The following RASGRF2 variants were observed in gnomAD, a reference collection of about 807,000 sequenced individuals.
The protein encoded by RASGRF2 is Ras protein specific guanine nucleotide releasing factor 2.
Under a neutral mutation model 151.0 loss-of-function variants are expected in RASGRF2, and 76 were observed. That is an observed-to-expected ratio of 0.50 (90% CI 0.42 to 0.61). The LOEUF (loss-of-function observed/expected upper bound fraction) is 0.61. Ranked by LOEUF, RASGRF2 falls within the 20% of genes least tolerant of loss-of-function variation. The probability of loss-of-function intolerance (pLI) is 0.00; values close to 1 mark genes in which losing one functional copy is unlikely to be tolerated. For synonymous variants in RASGRF2, 504 were observed against 566.5 expected, an observed-to-expected ratio of 0.89 and a Z score of 1.57; for missense variants, 1,148 against 1,564.6, an observed-to-expected ratio of 0.73 and a Z score of 4.49.
intron 12 of RASGRF2, among the ~76,000 whole-genome samples, chr5:81,095,601 A>T (rs1313155506): frequency 6.6e-6 from 1 of 152,218 alleles, no homozygotes; most frequent in Non-Finnish European, 1.5e-5. Context: ...GGACATTCTT[A>T]TTCAAGCTCC....
chr5:80,973,380 CG>C (rs1271654582), intron 1 of RASGRF2, among the ~76,000 whole-genome samples: 1 of 152,190 alleles, frequency 6.6e-6, no homozygotes, highest in African/African-American at 2.4e-5. Context: ...CTTCCCTCCT[CG>C]GGTGCTGGGT....
At chr5:80,974,088 A>G (rs1454607238) in intron 1 of RASGRF2, among the ~76,000 whole-genome samples, 1 of 152,220 alleles carries the variant, frequency 6.6e-6, no homozygotes, top group African/African-American at 2.4e-5. Flanking sequence ...CAAGTCTGTC[A>G]TTCATTGGTA....
chr5:81,210,165 G>A lies in RASGRF2; in HGVS notation c.3156+1727G>A, dbSNP rs75939814. 946 of 152,796 alleles carry A rather than the reference G, an allele frequency of 6.2e-3. 8 individuals are homozygous for A. Among genetic ancestry groups the A allele is most frequent in the Non-Finnish European group, 0.01 (714 of 68,424 alleles). 9.5% of individuals were successfully genotyped at this position (152,796 alleles called of 1,614,324 possible). A position where few individuals can be genotyped will look rare whatever the true frequency, so the allele number is the denominator to read the frequency against. ...GTTCCAGCCCATGCTGAGGTCTGAG[G>A]GGAGTGGGTGGATGCCTGAAAGAAC... On this transcript the variant is annotated intron_variant, in intron 22 of 26. Transcript: ENST00000265080.
At chr5:81,202,651 G>A (rs527623814) in intron 19 of RASGRF2, among the ~76,000 whole-genome samples, 2 of 152,360 alleles carry the variant, frequency 1.3e-5, no homozygotes, top group African/African-American at 4.8e-5. Flanking sequence ...TTGGAAATAA[G>A]GCCATTGCCA....
intron 1 of RASGRF2, among the ~76,000 whole-genome samples, chr5:80,995,399 T>TATATATATATATATATATATATATACAC (rs1165966102): frequency 3.3e-5 from 4 of 119,778 alleles, no homozygotes; most frequent in African/African-American, 1.3e-4. Context: ...TATATATATA[T>TATATATATATATATATATATATATACAC]ACACACACAC....
chr5:81,218,773 G>A (rs925698699), intron 25 of RASGRF2, among the ~76,000 whole-genome samples: 1 of 152,170 alleles, frequency 6.6e-6, no homozygotes, highest in Non-Finnish European at 1.5e-5. Flanking sequence ...CATTGAATTT[G>A]TAGATTGCTT....
intron 19 of RASGRF2, among the ~76,000 whole-genome samples, chr5:81,203,569 G>T (rs1755442439): frequency 6.6e-6 from 1 of 152,210 alleles, no homozygotes; most frequent in Admixed American, 6.5e-5. Flanking sequence ...GATTGATAGG[G>T]AACAGAAATT....
At chr5:80,964,137 T>C (rs531793119) in intron 1 of RASGRF2, among the ~76,000 whole-genome samples, 1 of 152,296 alleles carries the variant, frequency 6.6e-6, no homozygotes, top group South Asian at 2.1e-4. Context: ...GATTTCACTT[T>C]GATGAGTCTT....
rs140081103 is a variant in RASGRF2 at position 81,020,573 on chromosome 5, TG to T, written c.289-22301del. Among the ~76,000 whole-genome samples the T allele has an allele frequency of 9.8e-3, 1,496 of 152,246 alleles. 25 individuals are homozygous for T. Among genetic ancestry groups the T allele is most frequent in the African/African-American group, 0.032 (1,349 of 41,534 alleles). ...GAGGGTACCACAGGACAGGGCTGGC[TG>T]GGAAGAGAGACACATTAGTGGACAG... On this transcript the variant is annotated intron_variant, in intron 1 of 26. Transcript: ENST00000265080.
chr5:81,106,224 C>T (rs776227852), intron 12 of RASGRF2, among the ~76,000 whole-genome samples: 4 of 152,018 alleles, frequency 2.6e-5, no homozygotes, highest in Non-Finnish European at 5.9e-5. Flanking sequence ...GTTTTTTTCT[C>T]TTGCTTTTAT....
chr5:81,207,215 G>A (rs759577465), intron 20 of RASGRF2, 31 bp from the exon 21 acceptor site: 9 of 1,596,406 alleles, frequency 5.6e-6, no homozygotes, highest in Middle Eastern at 1.7e-4. Flanking sequence ...CCTCTCCTGG[G>A]TGTTTCATTT....
chr5:81,097,928 G>A (rs1752592415), intron 12 of RASGRF2, among the ~76,000 whole-genome samples: 1 of 152,222 alleles, frequency 6.6e-6, no homozygotes, highest in African/African-American at 2.4e-5. Context: ...ACTGTCTTAG[G>A]TTTCGAAAGG....
intron 1 of RASGRF2, among the ~76,000 whole-genome samples, chr5:80,987,466 A>G (rs1018983173): frequency 5.9e-5 from 9 of 152,254 alleles, no homozygotes; most frequent in Admixed American, 3.3e-4. Flanking sequence ...TGAATTCAAC[A>G]CTAATTTTAT....
chr5:81,202,858 C>G (rs951693696), intron 19 of RASGRF2, among the ~76,000 whole-genome samples: 5 of 152,240 alleles, frequency 3.3e-5, no homozygotes, highest in African/African-American at 9.6e-5. Context: ...GGCAAACCAC[C>G]AGCAGCTAAA....
chr5:81,174,743 A>G (rs1363234205), intron 17 of RASGRF2, among the ~76,000 whole-genome samples: 1 of 152,220 alleles, frequency 6.6e-6, no homozygotes, highest in Non-Finnish European at 1.5e-5. Flanking sequence ...CACATAAGAA[A>G]TGTGATGAGT....
Position 81,194,158 on chromosome 5 carries a change from G to A in RASGRF2, c.2794-7172G>A, listed in dbSNP as rs1016874749. ...CAGGAGTTGGAGACCAGCCTGGGCA[G>A]CATAGAGAGAGCCCCATCTCTAAAA... On this transcript the variant is annotated intron_variant, in intron 18 of 26. Coordinates refer to ENST00000265080, the MANE Select transcript of RASGRF2 (RefSeq NM_006909.3). Among the ~76,000 whole-genome samples, 11 of 147,526 alleles carry A rather than the reference G, an allele frequency of 7.5e-5. 1 individual carries two copies. Among genetic ancestry groups the A allele is most frequent in the Admixed American group, 6.8e-4 (10 of 14,680 alleles).
intron 2 of RASGRF2, among the ~76,000 whole-genome samples, chr5:81,058,208 CT>C (rs939183706): frequency 6.0e-5 from 9 of 150,600 alleles, no homozygotes; most frequent in African/African-American, 2.0e-4. Context: ...CAGGGGGATC[CT>C]TTTTTTGTTG....
chr5:81,012,820 G>T (rs1410626823), intron 1 of RASGRF2, among the ~76,000 whole-genome samples: 1 of 152,074 alleles, frequency 6.6e-6, no homozygotes, highest in Non-Finnish European at 1.5e-5. Context: ...GTTATGGATG[G>T]CTCAGCTCAA....
At chr5:81,089,178 C>T (rs754986740) in intron 9 of RASGRF2, among the ~76,000 whole-genome samples, 13 of 152,072 alleles carry the variant, frequency 8.5e-5, no homozygotes, top group African/African-American at 2.7e-4. Context: ...GCACCCTTAA[C>T]GACTTTAAGA....
Sources: gnomAD v4.1 joint callset for allele counts (sites outside exome capture counted in the v4.1 genomes callset) on GRCh38, gnomAD v4.1.1 for gene constraint, MANE v1.5 for transcripts, NCBI Gene and HGNC (gene_info 2026-07-23, HGNC 2026-07-21) for gene names.